Variants in TXNL4A observed in about 807,000 individuals in gnomAD.
The protein encoded by TXNL4A is thioredoxin-like protein 4A.
In TXNL4A, 17 loss-of-function variants were observed where a neutral mutation model predicts 14.6. The ratio of observed to expected loss-of-function variants is 1.16; its 90% CI spans 0.80 to 1.74. The LOEUF (loss-of-function observed/expected upper bound fraction) is 1.74. Ranked by LOEUF, TXNL4A falls within the 40% of genes most tolerant of loss-of-function variation. TXNL4A has a pLI of 0.00. For synonymous variants in TXNL4A, 83 were observed against 70.6 expected, an observed-to-expected ratio of 1.18 and a Z score of -0.88; for missense variants, 74 against 195.2, an observed-to-expected ratio of 0.38 and a Z score of 3.70.
At chr18:79,990,043 G>A (rs1477195703), upstream of TXNL4A, among the ~76,000 whole-genome samples, 2 of 152,172 alleles carry the variant, frequency 1.3e-5, no homozygotes, top group Non-Finnish European at 2.9e-5. Flanking sequence ...TCTCTCAGAT[G>A]GGCTGTGGCA....
At chr18:80,014,819 G>A (rs555089897) in intron 1 of TXNL4A, among the ~76,000 whole-genome samples, 20 of 152,302 alleles carry the variant, frequency 1.3e-4, no homozygotes, top group African/African-American at 4.6e-4. Context: ...CTCCATGAGC[G>A]CCCAGCCCCT....
At chr18:79,997,301 CCT>C (rs1219875286) in intron 1 of TXNL4A, among the ~76,000 whole-genome samples, 1 of 151,924 alleles carries the variant, frequency 6.6e-6, no homozygotes, top group Non-Finnish European at 1.5e-5. Flanking sequence ...TGGAATCGCC[CCT>C]GTCATCCAAG....
chr18:80,000,879 C>A (rs1246134370), intron 1 of TXNL4A, among the ~76,000 whole-genome samples: 2 of 152,190 alleles, frequency 1.3e-5, no homozygotes, highest in African/African-American at 4.8e-5. Flanking sequence ...GTCTTGAACT[C>A]CTGATCTCAA....
At chr18:80,016,728 G>T (rs1467009789) in intron 1 of TXNL4A, among the ~76,000 whole-genome samples, 2 of 151,292 alleles carry the variant, frequency 1.3e-5, no homozygotes, top group Non-Finnish European at 3.0e-5. Flanking sequence ...CTATATCTCT[G>T]TTTTGGTACC....
chr18:80,033,802 T>C (rs1300045831), intron 1 of TXNL4A: 3 of 135,716 alleles, frequency 2.2e-5, no homozygotes, highest in African/African-American at 5.6e-5. Context: ...CCTCGCGTCG[T>C]CCTTCGCCCC....
At chr18:80,012,866 G>A (rs1164326372) in intron 1 of TXNL4A, among the ~76,000 whole-genome samples, 1 of 151,390 alleles carries the variant, frequency 6.6e-6, no homozygotes, top group African/African-American at 2.4e-5. Context: ...GTCCAGTGCG[G>A]AGTGCCCTTC....
At chr18:80,033,207 G>C (rs1180164135) in intron 1 of TXNL4A, among the ~76,000 whole-genome samples, 2 of 151,888 alleles carry the variant, frequency 1.3e-5, no homozygotes, top group Non-Finnish European at 2.9e-5. Context: ...ATATATACGC[G>C]CACGCACATG....
upstream of TXNL4A, among the ~76,000 whole-genome samples, chr18:79,992,024 G>A (rs1214238212): frequency 6.6e-6 from 1 of 152,246 alleles, no homozygotes; most frequent in African/African-American, 2.4e-5. Context: ...CTCAAAGCGG[G>A]AAGGGGGCTT....
intron 1 of TXNL4A, among the ~76,000 whole-genome samples, chr18:80,032,104 T>C (rs1463012929): frequency 6.6e-6 from 1 of 152,250 alleles, no homozygotes; most frequent in Non-Finnish European, 1.5e-5. Flanking sequence ...GCTATAAGTC[T>C]GGCCTAGGTC....
In TXNL4A at chr18:79,982,245, C is replaced by A. The variant is rs1015686887; in HGVS notation, c.154-4544G>T. Among the ~76,000 whole-genome samples the A allele has an allele frequency of 6.6e-6, 1 of 152,156 alleles. No homozygotes were observed. Among genetic ancestry groups the A allele is most frequent in the Non-Finnish European group, 1.5e-5 (1 of 68,018 alleles). ...AAGTGCAGGACAGTGGGGACCGATG[C>A]GCAGGTGGACTGGCCCACAGAGGAC... is the stretch of plus-strand genomic sequence containing the variant. On this transcript the variant is annotated intron_variant, in intron 1 of 2. Transcript: ENST00000269601. This position sits in a 1 kb window ranked among gnomAD's most constrained non-coding sequence, Gnocchi z 4.0.
intron 1 of TXNL4A, among the ~76,000 whole-genome samples, chr18:79,978,297 T>C (rs552959993): frequency 2.0e-5 from 3 of 152,328 alleles, no homozygotes; most frequent in African/African-American, 4.8e-5. Context: ...CTCTAAAATA[T>C]ACCTGTAGAA....
In TXNL4A at chr18:80,032,484, T is replaced by G. The variant is rs112382977; in HGVS notation, c.-61+1367A>C. Among the ~76,000 whole-genome samples the G allele has an allele frequency of 2.3e-3, 357 of 152,282 alleles. 1 individual carries two copies. The highest frequency in any genetic ancestry group is 8.5e-3 in the African/African-American group (352 of 41,564). On this transcript the variant is annotated intron_variant, in intron 1 of 2. Coordinates refer to the TXNL4A transcript ENST00000585474. ...GTTCCTAAATAAGATGGCTACAAGATGAAAGGCTACACGCCTCCCCCATAT... is the reference window on the plus strand; with the variant it reads ...GTTCCTAAATAAGATGGCTACAAGAGGAAAGGCTACACGCCTCCCCCATAT...
intron 1 of TXNL4A, chr18:79,995,431 A>G (rs943392377): frequency 6.6e-6 from 1 of 152,266 alleles, no homozygotes; most frequent in Non-Finnish European, 1.5e-5. Flanking sequence ...AAATCCAGCA[A>G]TGCTGCCAGA....
chr18:80,030,834 G>A (rs1267442435), intron 1 of TXNL4A, among the ~76,000 whole-genome samples: 1 of 152,150 alleles, frequency 6.6e-6, no homozygotes, highest in East Asian at 1.9e-4. Flanking sequence ...AGGTGTGGTG[G>A]TGCATGCCTG....
Position 80,029,423 on chromosome 18 carries a change from G to A in TXNL4A, c.-61+4428C>T, listed in dbSNP as rs1014026759. Among the ~76,000 whole-genome samples the A allele has an allele frequency of 2.0e-5, 3 of 152,110 alleles. No individual in the cohort carries two copies. In the South Asian group the frequency reaches 6.2e-4, roughly 32 times the overall value. ...AAGATTACAAGTATGTTTTACTAAT[G>A]CTCTGCATGTTTTCTCATTGGGTTA... On this transcript the variant is annotated intron_variant, in intron 1 of 2. Coordinates refer to the TXNL4A transcript ENST00000585474.
At chr18:80,021,227 AC>A (rs2051846762) in intron 1 of TXNL4A, among the ~76,000 whole-genome samples, 3 of 150,986 alleles carry the variant, frequency 2.0e-5, no homozygotes, top group Non-Finnish European at 4.4e-5. Context: ...CCCAGGCTGG[AC>A]TACAGTGCCA....
rs1026182483 is a variant in TXNL4A, at chr18:79,978,936, C to CT, written c.154-1236dup. ...GTATGCTGCTTTAATTTTGAGCATT[C>CT]TTTTTTTTTTCTTTTTTTTGAGACG... On this transcript the variant is annotated intron_variant, in intron 1 of 2. Coordinates refer to ENST00000269601, the MANE Select transcript of TXNL4A (RefSeq NM_006701.5). Among the ~76,000 whole-genome samples the CT allele has an allele frequency of 2.1e-3, 316 of 147,548 alleles. 1 individual carries two copies. The highest frequency in any genetic ancestry group is 6.9e-3 in the African/African-American group (278 of 40,256).
chr18:80,019,004 G>A (rs1445549453), intron 1 of TXNL4A, among the ~76,000 whole-genome samples: 4 of 152,166 alleles, frequency 2.6e-5, no homozygotes, highest in Non-Finnish European at 5.9e-5. Flanking sequence ...CTATCAAAAT[G>A]TTGGACAAAG....
At chr18:79,996,900 G>A (rs1193392864) in intron 1 of TXNL4A, among the ~76,000 whole-genome samples, 3 of 152,174 alleles carry the variant, frequency 2.0e-5, no homozygotes, top group Admixed American at 2.0e-4. Context: ...CCAAGACTGT[G>A]CCACTGCACT....
Sources: gnomAD v4.1 joint callset for allele counts (sites outside exome capture counted in the v4.1 genomes callset) on GRCh38, gnomAD v4.1.1 for gene constraint, Gnocchi (gnomAD v3.1) non-coding constraint, MANE v1.5 for transcripts, NCBI Gene and HGNC (gene_info 2026-07-23, HGNC 2026-07-21) for gene names.